Variants in ZNF695 observed in about 807,000 individuals in gnomAD.
ZNF695 encodes the protein zinc finger protein 695.
ZNF695 carries 11 observed loss-of-function variants against 11.2 expected under a neutral mutation model. That is an observed-to-expected ratio of 0.98 (90% CI 0.62 to 1.62). The LOEUF (loss-of-function observed/expected upper bound fraction) is 1.62. ZNF695 is among the 40% of genes most tolerant of loss of function. The probability of loss-of-function intolerance (pLI) is 0.00; values close to 1 mark genes in which losing one functional copy is unlikely to be tolerated. For synonymous variants in ZNF695, 190 were observed against 201.4 expected (o/e 0.94, Z 0.48); for missense variants, 559 against 590.5 (o/e 0.95, Z 0.55).
chr1:247,000,296 G>GGAGTTCAA (rs2103031872), intron 1 of ZNF695, among the ~76,000 whole-genome samples: 1 of 152,234 alleles, frequency 6.6e-6, no homozygotes, highest in Admixed American at 6.5e-5. Context: ...CACCAGGTCA[G>GGAGTTCAA]GAGTTCAAGA....
chr1:246,949,823 C>A (rs1667828654), intron 5 of ZNF695, among the ~76,000 whole-genome samples: 1 of 152,058 alleles, frequency 6.6e-6, no homozygotes, highest in Admixed American at 6.6e-5. Context: ...AATTACTTTT[C>A]TTTTATATAG....
At chr1:246,989,108 A>AC (rs1419988158) in intron 3 of ZNF695, among the ~76,000 whole-genome samples, 3 of 151,406 alleles carry the variant, frequency 2.0e-5, no homozygotes, top group Non-Finnish European at 4.4e-5. Flanking sequence ...AAAAAAAAAA[A>AC]AACGACATTA....
intron 5 of ZNF695, among the ~76,000 whole-genome samples, chr1:246,960,755 C>T (rs776067302): frequency 4.6e-5 from 7 of 151,966 alleles, no homozygotes; most frequent in Non-Finnish European, 1.0e-4. Flanking sequence ...GCCTGGGCAA[C>T]ATGGCAAAAC....
chr1:246,967,282 A>G lies in ZNF695; in HGVS notation c.488+413T>C, dbSNP rs548447140. ...GGATTATATATTAAAAAGCCACTGGATTGAGAATAGATTGTAAGAAGACAA... is the reference window on the plus strand; with the variant it reads ...GGATTATATATTAAAAAGCCACTGGGTTGAGAATAGATTGTAAGAAGACAA... On this transcript the variant is annotated intron_variant, in intron 5 of 5. Transcript: ENST00000487338. 893 of 444,806 alleles carry G rather than the reference A, an allele frequency of 2.0e-3. 2 individuals carry two copies. Among genetic ancestry groups the G allele is most frequent in the Non-Finnish European group, 3.4e-3 (757 of 222,962 alleles). The allele number at this position is 444,806 out of a possible 1,614,324, so 27.6% of individuals were successfully genotyped here.
chr1:246,986,448 T>C lies in ZNF695; in HGVS notation c.*519A>G, dbSNP rs1413871257. 2 of 985,458 alleles carry C rather than the reference T, an allele frequency of 2.0e-6. No individual in the cohort carries two copies. The highest frequency in any genetic ancestry group is 2.3e-4 in the East Asian group (2 of 8,834). The allele number at this position is 985,458 out of a possible 1,614,324, so 61.0% of individuals were successfully genotyped here. On this transcript the variant is annotated 3_prime_UTR_variant, in exon 4 of 4. Transcript: ENST00000339986. ...TTACTTTAACTTAACTTTGAATTAT[T>C]CTCTATAACCAACACTCAGATTTAC...
chr1:246,953,905 G>A (rs187496521), intron 5 of ZNF695, among the ~76,000 whole-genome samples: 78 of 143,638 alleles, frequency 5.4e-4, no homozygotes, highest in Non-Finnish European at 6.9e-4. Flanking sequence ...CAGCCTGGGC[G>A]ACAGAGTGAG....
rs1668823214 is a variant in ZNF695 at position 246,985,518 on chromosome 1, T to C, written c.*1449A>G. The C allele has an allele frequency of 1.0e-6, 1 of 985,320 alleles. No individual in the cohort carries two copies. The highest frequency in any genetic ancestry group is 1.2e-6 in the Non-Finnish European group (1 of 829,934). 61.0% of individuals were successfully genotyped at this position (985,320 alleles called of 1,614,324 possible). ...CCCACTATTGTATTGTTACCATTTGTTACCTACAACCGTAACTAAGGTGAG... is the reference window on the plus strand; with the variant it reads ...CCCACTATTGTATTGTTACCATTTGCTACCTACAACCGTAACTAAGGTGAG... On this transcript the variant is annotated 3_prime_UTR_variant, in exon 4 of 4. Transcript: ENST00000339986.
intron 1 of ZNF695, among the ~76,000 whole-genome samples, chr1:247,000,606 A>G (rs1449965490): frequency 6.6e-6 from 1 of 152,250 alleles, no homozygotes; most frequent in African/African-American, 2.4e-5. Flanking sequence ...AAACCAGTGT[A>G]GGTAGTCTAC....
intron 5 of ZNF695, among the ~76,000 whole-genome samples, chr1:246,959,572 G>A (rs1444136190): frequency 1.3e-5 from 2 of 151,162 alleles, no homozygotes; most frequent in Admixed American, 6.6e-5. Flanking sequence ...GACTACAGGC[G>A]AGCGCCACCA....
intron 1 of ZNF695, among the ~76,000 whole-genome samples, chr1:247,002,273 A>T (rs1378204848): frequency 6.6e-6 from 1 of 152,166 alleles, no homozygotes; most frequent in Non-Finnish European, 1.5e-5. Context: ...GAAATGAAGA[A>T]ATTAAGGCAG....
chr1:246,984,319 A>G (rs1003254184), downstream of ZNF695, among the ~76,000 whole-genome samples: 4 of 151,338 alleles, frequency 2.6e-5, no homozygotes, highest in South Asian at 2.1e-4. Context: ...GCTGGAATGC[A>G]TAAGTAGTTG....
Position 246,986,555 on chromosome 1 carries a change from A to G in ZNF695, c.*412T>C, listed in dbSNP as rs1388702722. ...GTTTTGATGTAATTTTTGATTAGAC[A>G]TTTTTTCACATTTACTGCATCTGTA... On this transcript the variant is annotated 3_prime_UTR_variant, in exon 4 of 4. Coordinates refer to ENST00000339986, the MANE Select transcript of ZNF695 (RefSeq NM_020394.5). 1.0e-6 allele frequency: 1 copy of G among 992,354 alleles called. No individual in the cohort carries two copies. The highest frequency in any genetic ancestry group is 5.9e-5 in the Admixed American group (1 of 16,940). 61.5% of individuals were successfully genotyped at this position (992,354 alleles called of 1,614,324 possible). A position where few individuals can be genotyped will look rare whatever the true frequency, so the allele number is the denominator to read the frequency against.
chr1:247,000,717 C>T (rs1669354305), intron 1 of ZNF695, among the ~76,000 whole-genome samples: 1 of 152,106 alleles, frequency 6.6e-6, no homozygotes, highest in Non-Finnish European at 1.5e-5. Context: ...ATGGAGAAGT[C>T]AGGGTGAGTT....
intron 1 of ZNF695, among the ~76,000 whole-genome samples, 170 bp downstream of exon 1, chr1:247,007,736 C>T (rs1048789316): frequency 1.3e-5 from 2 of 152,074 alleles, no homozygotes; most frequent in Non-Finnish European, 2.9e-5. Context: ...GGCCCGGCCC[C>T]CACCTGCGCG....
At chr1:247,000,636 T>C (rs2103032095) in intron 1 of ZNF695, among the ~76,000 whole-genome samples, 1 of 152,294 alleles carries the variant, frequency 6.6e-6, no homozygotes, top group East Asian at 1.9e-4. Context: ...TAATATAGTA[T>C]AAAATTAAGG....
chr1:247,007,425 G>A (rs751083197), intron 1 of ZNF695, among the ~76,000 whole-genome samples: 5 of 150,326 alleles, frequency 3.3e-5, no homozygotes, highest in Non-Finnish European at 7.4e-5. Flanking sequence ...GAACCTGGGA[G>A]GCAGAGGTTG....
downstream of ZNF695, among the ~76,000 whole-genome samples, chr1:246,981,784 C>T (rs1036985981): frequency 6.6e-6 from 1 of 152,130 alleles, no homozygotes; most frequent in Non-Finnish European, 1.5e-5. Context: ...AACAATTTAG[C>T]ACCCCAAAAT....
chr1:247,004,683 C>G (rs1057114056), intron 1 of ZNF695, among the ~76,000 whole-genome samples: 1 of 152,084 alleles, frequency 6.6e-6, no homozygotes, highest in African/African-American at 2.4e-5. Flanking sequence ...TTGAAAAAAC[C>G]TAAAGACTCT....
chr1:246,955,592 C>T (rs1443809381), intron 5 of ZNF695, among the ~76,000 whole-genome samples: 1 of 152,206 alleles, frequency 6.6e-6, no homozygotes, highest in Non-Finnish European at 1.5e-5. Context: ...CAAACACCTA[C>T]ACAGAACAGA....
Sources: allele counts gnomAD v4.1 joint callset (sites outside exome capture counted in the v4.1 genomes callset), GRCh38; gene constraint gnomAD v4.1.1; transcripts MANE v1.5; gene names NCBI Gene and HGNC (gene_info 2026-07-23, HGNC 2026-07-21).